ALKBH8: variants seen among roughly 807,000 people sequenced by gnomAD.
ALKBH8 encodes alkB homolog 8, tRNA methyltransferase.
A neutral mutation model predicts 59.8 loss-of-function variants in ALKBH8; 36 were observed. That is an observed-to-expected ratio of 0.60 (90% confidence interval 0.46 to 0.79). The LOEUF is 0.79. Ranked by LOEUF, ALKBH8 falls within the 30% of genes least tolerant of loss-of-function variation. ALKBH8 has a pLI of 0.00. For synonymous variants in ALKBH8, 276 were observed against 273.6 expected (o/e 1.01, Z -0.09); for missense variants, 768 against 801.0 (o/e 0.96, Z 0.50).
intron 10 of ALKBH8, among the ~76,000 whole-genome samples, chr11:107,521,891 C>T (rs1347232035): frequency 6.6e-6 from 1 of 152,018 alleles, no homozygotes; most frequent in Non-Finnish European, 1.5e-5. Context: ...AATTATATGA[C>T]ATCAGGAAAT....
chr11:107,549,952 G>A, intron 6 of ALKBH8, 129 bp from the exon 7 acceptor site: 6 of 604,512 alleles, frequency 9.9e-6, no homozygotes, highest in South Asian at 5.5e-5. Context: ...CTATAATTTT[G>A]GTTAAAAGGA....
rs1440903385 is a variant in ALKBH8 at position 107,504,197 on chromosome 11, G to A, written c.*461C>T. 3 of 327,082 alleles carry A rather than the reference G, an allele frequency of 9.2e-6. No homozygotes were observed. Among genetic ancestry groups the A allele is most frequent in the Non-Finnish European group, 1.1e-5 (2 of 182,362 alleles). 20.3% of individuals were successfully genotyped at this position (327,082 alleles called of 1,614,324 possible). On this transcript the variant is annotated 3_prime_UTR_variant, in exon 12 of 12. Coordinates refer to ENST00000428149, the MANE Select transcript of ALKBH8 (RefSeq NM_138775.3). ...TCCAGCCCTGGGCTAGTCAGGCATG[G>A]AAATAGAATGGTTATTGTCTATGAT...
intron 1 of ALKBH8, among the ~76,000 whole-genome samples, chr11:107,563,154 G>A (rs999778662): frequency 1.3e-5 from 2 of 152,204 alleles, no homozygotes; most frequent in Non-Finnish European, 2.9e-5. Context: ...AAGGAACTGA[G>A]GTTAAAAAGG....
intron 3 of ALKBH8, among the ~76,000 whole-genome samples, chr11:107,554,186 A>G (rs975892660): frequency 6.6e-6 from 1 of 152,196 alleles, no homozygotes; most frequent in African/African-American, 2.4e-5. Context: ...GCAATTACCA[A>G]CAGCAAACAG....
chr11:107,560,738 C>T (rs1051805047), intron 2 of ALKBH8, 27 bp downstream of exon 2: 13 of 1,574,660 alleles, frequency 8.3e-6, no homozygotes, highest in Non-Finnish European at 1.1e-5. Flanking sequence ...CATTTACATT[C>T]TAATAATAAT....
chr11:107,539,124 C>T (rs889926261), intron 7 of ALKBH8, among the ~76,000 whole-genome samples: 4 of 152,082 alleles, frequency 2.6e-5, no homozygotes, highest in Non-Finnish European at 4.4e-5. Context: ...AGGTGATACC[C>T]GCAGAAGTAC....
intron 7 of ALKBH8, 125 bp from the exon 8 acceptor site, chr11:107,532,531 G>C: frequency 1.4e-6 from 1 of 707,408 alleles, no homozygotes. Context: ...AATGCTTGCA[G>C]AAAAGCATAG....
At position 107,520,890 on chromosome 11, in the gene ALKBH8, T is replaced by A. The variant is rs193219309; in HGVS notation, c.1287+1409A>T. The stretch of plus-strand genomic sequence containing the variant: ...TTCAAGCAACCCCAGGTCAAAATAC[T>A]AAAAAAATAAAAATTCCATCTTTAC... On this transcript the variant is annotated intron_variant, in intron 10 of 11. Coordinates refer to ENST00000428149, the MANE Select transcript of ALKBH8 (RefSeq NM_138775.3). Among the ~76,000 whole-genome samples the A allele has an allele frequency of 8.5e-3, 1,300 of 152,206 alleles. 22 individuals are homozygous for A. The highest frequency in any genetic ancestry group is 0.03 in the African/African-American group (1,231 of 41,540).
intron 10 of ALKBH8, among the ~76,000 whole-genome samples, chr11:107,521,535 C>T (rs1308476186): frequency 1.3e-5 from 2 of 152,120 alleles, no homozygotes; most frequent in Non-Finnish European, 2.9e-5. Flanking sequence ...CTCCCTTACT[C>T]TCATCCTAAA....
chr11:107,536,489 A>C (rs565285978), intron 7 of ALKBH8, among the ~76,000 whole-genome samples: 14 of 152,344 alleles, frequency 9.2e-5, no homozygotes, highest in Middle Eastern at 3.4e-3. Flanking sequence ...GCCAAAAATG[A>C]AAGTTGATCA....
chr11:107,550,269 A>G (rs1480734936), intron 6 of ALKBH8, among the ~76,000 whole-genome samples: 1 of 152,228 alleles, frequency 6.6e-6, no homozygotes, highest in Non-Finnish European at 1.5e-5. Context: ...TTAACTCAGC[A>G]CCTCTTAAGT....
chr11:107,561,728 C>G (rs906087790), intron 1 of ALKBH8, among the ~76,000 whole-genome samples: 6 of 152,114 alleles, frequency 3.9e-5, no homozygotes, highest in Admixed American at 6.5e-5. Flanking sequence ...TAGCTTAACT[C>G]CTCCATCATG....
intron 10 of ALKBH8, among the ~76,000 whole-genome samples, chr11:107,513,294 A>G (rs994289333): frequency 3.3e-5 from 5 of 152,258 alleles, no homozygotes; most frequent in African/African-American, 4.8e-5. Flanking sequence ...AGCATATGAA[A>G]AAAGCTCAAC....
chr11:107,552,894 G>T (rs1480847395), intron 5 of ALKBH8, among the ~76,000 whole-genome samples: 1 of 151,982 alleles, frequency 6.6e-6, no homozygotes, highest in Non-Finnish European at 1.5e-5. Flanking sequence ...AAGCAGCATG[G>T]GAATAAGGAT....
At chr11:107,552,951 C>T (rs1047394799) in intron 5 of ALKBH8, among the ~76,000 whole-genome samples, 157 bp downstream of exon 5, 4 of 152,046 alleles carry the variant, frequency 2.6e-5, no homozygotes, top group Non-Finnish European at 5.9e-5. Context: ...TTTTTTACAA[C>T]AAAACTATAC....
chr11:107,553,964 A>G lies in ALKBH8; in HGVS notation c.382T>C (p.Leu128=). 1 of 1,613,582 alleles carries G rather than the reference A, an allele frequency of 6.2e-7. No homozygotes were observed. Residue 128 remains leucine (L), a synonymous_variant, in exon 4 of 12, where the codon TTG becomes CTG. Coordinates refer to ENST00000428149, the MANE Select transcript of ALKBH8 (RefSeq NM_138775.3). ...NFVEKVQWKE[L]RPQALPPGLM... is the part of the protein sequence containing the mutation. Reference sequence around the variant, plus strand: ...CCTGGTGGTAAGGCTTGAGGCCTCAACTCCTTCCACTGCACTATGGGAAAC... The same window carrying G: ...CCTGGTGGTAAGGCTTGAGGCCTCAGCTCCTTCCACTGCACTATGGGAAAC...
chr11:107,565,549 A>G, intron 1 of ALKBH8, 52 bp downstream of exon 1: 1 of 1,535,400 alleles, frequency 6.5e-7, no homozygotes, highest in Non-Finnish European at 8.7e-7. Flanking sequence ...GGCTGAAAAG[A>G]GGAAGCGGTG....
intron 5 of ALKBH8, 45 bp from the exon 6 acceptor site, chr11:107,551,957 T>G (rs754131283): frequency 2.6e-6 from 3 of 1,172,536 alleles, no homozygotes; most frequent in Non-Finnish European, 3.4e-6. Flanking sequence ...ATATTTACTT[T>G]GCTTGTTTTA....
At chr11:107,531,377 T>G (rs1362832837) in intron 8 of ALKBH8, among the ~76,000 whole-genome samples, 1 of 152,182 alleles carries the variant, frequency 6.6e-6, no homozygotes, top group Non-Finnish European at 1.5e-5. Flanking sequence ...CAGAAGCACA[T>G]ACTAATTTCT....
Sources: gnomAD v4.1 joint callset for allele counts (sites outside exome capture counted in the v4.1 genomes callset) on GRCh38, gnomAD v4.1.1 for gene constraint, MANE v1.5 for transcripts, NCBI Gene and HGNC (gene_info 2026-07-23, HGNC 2026-07-21) for gene names.